The following SIPA1L2 variants were observed in gnomAD, a reference collection of about 807,000 sequenced individuals.
The protein encoded by SIPA1L2 is signal induced proliferation associated 1 like 2.
Under a neutral mutation model 163.9 loss-of-function variants are expected in SIPA1L2, and 56 were observed. The observed-to-expected ratio is 0.34, with a 90% CI of 0.28 to 0.43. The LOEUF (loss-of-function observed/expected upper bound fraction) is 0.43, where lower values mean the gene tolerates loss of function less well. Among genes scored for constraint, SIPA1L2 ranks in the 20% least tolerant of loss-of-function variants. SIPA1L2 has a pLI of 1.00. For missense variants in SIPA1L2, 1,974 were observed against 2,193.5 expected (o/e 0.90, Z 2.00); for synonymous variants, 877 against 865.7 (o/e 1.01, Z -0.23).
chr1:232,604,836 C>T (rs1327424411), intron 1 of SIPA1L2, among the ~76,000 whole-genome samples: 1 of 152,006 alleles, frequency 6.6e-6, no homozygotes, highest in Non-Finnish European at 1.5e-5. Context: ...CTGTGTGGGC[C>T]ATATAAGACC....
intron 2 of SIPA1L2, among the ~76,000 whole-genome samples, chr1:232,570,160 A>C (rs1659636329): frequency 6.6e-6 from 1 of 152,236 alleles, no homozygotes; most frequent in Non-Finnish European, 1.5e-5. Context: ...CATCTTTGTA[A>C]GGACAAGAAT....
intron 1 of SIPA1L2, among the ~76,000 whole-genome samples, chr1:232,622,830 A>G (rs762293727): frequency 1.2e-4 from 18 of 152,266 alleles, no homozygotes; most frequent in Non-Finnish European, 2.9e-5. Context: ...TACAATAGAA[A>G]TAATGATTAG....
Position 232,418,389 on chromosome 1 carries a change from G to A in SIPA1L2, c.4631-2764C>T, listed in dbSNP as rs112806910. Among the ~76,000 whole-genome samples the A allele has an allele frequency of 6.3e-3, 957 of 152,312 alleles. 7 individuals are homozygous for A. Among genetic ancestry groups the A allele is most frequent in the Non-Finnish European group, 9.0e-3 (610 of 68,020 alleles). On this transcript the variant is annotated intron_variant, in intron 18 of 22. Transcript: ENST00000674635. ...CCAGTACTCAATAGAGTGGTTTCCT[G>A]ACAGTCTTGAGTGAAATAAGCTCTG...
At position 232,608,051 on chromosome 1, in the gene SIPA1L2, A is replaced by AAAAAACAAAAC. The variant is rs1553323447; in HGVS notation, c.-319+21817_-319+21818insGTTTTGTTTTT. Among the ~76,000 whole-genome samples, 192 of 131,938 alleles carry AAAAAACAAAAC rather than the reference A, an allele frequency of 1.5e-3. 5 individuals carry two copies. The highest frequency in any genetic ancestry group is 5.0e-3 in the African/African-American group (186 of 37,030). The allele number at this position is 131,938 out of a possible 152,430, so 86.6% of individuals were successfully genotyped here. A position where few individuals can be genotyped will look rare whatever the true frequency, so the allele number is the denominator to read the frequency against. On this transcript the variant is annotated intron_variant, in intron 1 of 22. Transcript: ENST00000674635. ...AACAAGAGCGAAACTCCATCTCAAAAAAAAAAAAAAAAAAAAAACGAGTCT... is the reference window on the plus strand; with the variant it reads ...AACAAGAGCGAAACTCCATCTCAAAAAAAAACAAAACAAAAAAAAAAAAAAAAAACGAGTCT...
chr1:232,489,995 C>A (rs1665844730), intron 5 of SIPA1L2, among the ~76,000 whole-genome samples: 1 of 152,158 alleles, frequency 6.6e-6, no homozygotes, highest in Non-Finnish European at 1.5e-5. Flanking sequence ...CAGTCTCTAT[C>A]TTCGGCGGCC....
chr1:232,534,462 T>A (rs1337885255), intron 2 of SIPA1L2, among the ~76,000 whole-genome samples: 1 of 152,226 alleles, frequency 6.6e-6, no homozygotes, highest in African/African-American at 2.4e-5. Flanking sequence ...GAAGAACGCT[T>A]CACCATATAG....
At chr1:232,517,642 T>C (rs1236774699) in intron 2 of SIPA1L2, among the ~76,000 whole-genome samples, 3 of 152,256 alleles carry the variant, frequency 2.0e-5, no homozygotes, top group African/African-American at 7.2e-5. Flanking sequence ...TTCACATTCC[T>C]CTAACATTTG....
intron 11 of SIPA1L2, among the ~76,000 whole-genome samples, chr1:232,445,036 T>C (rs1663129220): frequency 1.3e-5 from 2 of 152,248 alleles, no homozygotes; most frequent in Admixed American, 6.5e-5. Context: ...AGTGTATGCA[T>C]TCTTCTTTGA....
At chr1:232,543,167 GCA>G (rs1657795027) in intron 2 of SIPA1L2, among the ~76,000 whole-genome samples, 2 of 152,324 alleles carry the variant, frequency 1.3e-5, no homozygotes, top group South Asian at 2.1e-4. Context: ...ATGAAGAGAC[GCA>G]CAGAGCAAAG....
In SIPA1L2 at chr1:232,426,442, C is replaced by T. The variant is rs142008794; in HGVS notation, c.4411-634G>A. Among the ~76,000 whole-genome samples, 54 of 152,130 alleles carry T rather than the reference C, an allele frequency of 3.5e-4. No homozygotes were observed. In the East Asian group the frequency reaches 0.01, roughly 29 times the overall value. On this transcript the variant is annotated intron_variant, in intron 17 of 22. Coordinates refer to ENST00000674635, the MANE Select transcript of SIPA1L2 (RefSeq NM_020808.5). Reference sequence around the variant, plus strand: ...CTGGGAGGCAGAGGCTGGTGGATCACGAGGTCAGGAGATCAAGACCATTCT... The same window carrying T: ...CTGGGAGGCAGAGGCTGGTGGATCATGAGGTCAGGAGATCAAGACCATTCT...
chr1:232,529,213 T>C (rs1667858009), intron 2 of SIPA1L2, among the ~76,000 whole-genome samples: 1 of 152,150 alleles, frequency 6.6e-6, no homozygotes, highest in Non-Finnish European at 1.5e-5. Flanking sequence ...GCCCTCCACC[T>C]CTATGTTTTT....
chr1:232,573,693 G>A (rs755053504), intron 2 of SIPA1L2, among the ~76,000 whole-genome samples: 21 of 152,050 alleles, frequency 1.4e-4, no homozygotes, highest in Admixed American at 5.9e-4. Flanking sequence ...CCCCAGCCCC[G>A]GGCAGAGCAG....
chr1:232,523,780 A>C (rs1667560112), intron 2 of SIPA1L2, among the ~76,000 whole-genome samples: 1 of 152,192 alleles, frequency 6.6e-6, no homozygotes, highest in Non-Finnish European at 1.5e-5. Context: ...AACAAAACTA[A>C]CATCAATCAA....
intron 1 of SIPA1L2, among the ~76,000 whole-genome samples, chr1:232,581,465 G>GA (rs1170090620): frequency 1.3e-5 from 2 of 151,890 alleles, no homozygotes; most frequent in Non-Finnish European, 2.9e-5. Flanking sequence ...AGAGAGAGAG[G>GA]AAAAAAGAGG....
chr1:232,608,286 G>A (rs9793737), intron 1 of SIPA1L2, among the ~76,000 whole-genome samples: 82,948 of 151,952 alleles, frequency 0.55, 23,906 homozygotes, highest in East Asian at 0.75. Flanking sequence ...GACTTCAAGT[G>A]ATCTGCCCGC....
chr1:232,531,876 G>A (rs1183435295), intron 2 of SIPA1L2, among the ~76,000 whole-genome samples: 1 of 152,138 alleles, frequency 6.6e-6, no homozygotes, highest in Non-Finnish European at 1.5e-5. Flanking sequence ...AAGGGAGAGG[G>A]AGGAGGGGAA....
At position 232,439,271 on chromosome 1, in the gene SIPA1L2, T is replaced by C; in HGVS notation, c.3868A>G (p.Ile1290Val). The C allele has an allele frequency of 2.5e-6, 4 of 1,614,068 alleles. No homozygotes were observed. The highest frequency in any genetic ancestry group is 3.4e-6 in the Non-Finnish European group (4 of 1,180,032). ...PVHLAGSRSL[I>V]HSRAEQWADA... ...GCCCACTGCTCGGCCCGGCTGTGGATCAGGGACCTGCTGCCTGCCAGGTGC... is the reference window on the plus strand; with the variant it reads ...GCCCACTGCTCGGCCCGGCTGTGGACCAGGGACCTGCTGCCTGCCAGGTGC... The change falls in exon 15 of 23, where the codon ATC (isoleucine) becomes GTC (valine). Residue 1290 changes from isoleucine to valine, a missense_variant. By Grantham distance (29) the Ile-to-Val change is conservative (BLOSUM62 3). Around this residue, in one of 3 missense-constraint regions of SIPA1L2, gnomAD observed 1,079 missense variants for 1,150.7 expected, o/e 0.94. Transcript: ENST00000674635.
chr1:232,548,586 CTTCA>C (rs1658187774), intron 2 of SIPA1L2, among the ~76,000 whole-genome samples: 1 of 152,138 alleles, frequency 6.6e-6, no homozygotes, highest in Non-Finnish European at 1.5e-5. Context: ...AATCAATATA[CTTCA>C]TTCATTTACT....
At chr1:232,550,560 T>G (rs1427201883) in intron 2 of SIPA1L2, among the ~76,000 whole-genome samples, 1 of 152,234 alleles carries the variant, frequency 6.6e-6, no homozygotes, top group African/African-American at 2.4e-5. Flanking sequence ...AAACAGCTGA[T>G]TCTGCCTTTT....
Sources: allele counts gnomAD v4.1 joint callset (sites outside exome capture counted in the v4.1 genomes callset), GRCh38; gene constraint gnomAD v4.1.1; regional missense constraint gnomAD v4.1.1; transcripts MANE v1.5; gene names NCBI Gene and HGNC (gene_info 2026-07-23, HGNC 2026-07-21).